Variants in EYS observed in about 807,000 individuals in gnomAD.
EYS encodes the protein EGF-like photoreceptor maintenance factor, also known as protein eyes shut homolog.
EYS carries 250 observed loss-of-function variants against 282.1 expected under a neutral mutation model. That is an observed-to-expected ratio of 0.89 (90% CI 0.80 to 0.98). EYS has a LOEUF of 0.98. Among genes scored for constraint, EYS ranks in the 50% least tolerant of loss-of-function variants. The pLI is 0.00. For synonymous variants in EYS, 1,355 were observed against 1,282.9 expected, an observed-to-expected ratio of 1.06 and a Z score of -1.20; for missense variants, 4,016 against 3,709.0, an observed-to-expected ratio of 1.08 and a Z score of -2.15.
At chr6:64,260,979 G>C (rs1299187889) in intron 30 of EYS, among the ~76,000 whole-genome samples, 1 of 79,062 alleles carries the variant, frequency 1.3e-5, no homozygotes, top group East Asian at 2.6e-4. Context: ...GATGAAATCA[G>C]AGTAACTAGA....
chr6:65,512,004 A>AAAG (rs1554204688), intron 2 of EYS, among the ~76,000 whole-genome samples: 6 of 138,428 alleles, frequency 4.3e-5, no homozygotes, highest in African/African-American at 1.6e-4. Flanking sequence ...AAAAAAAAAA[A>AAAG]AAAAGAAATC....
Position 64,591,531 on chromosome 6 carries a change from G to A in EYS, c.4336C>T (p.Arg1446Cys), listed in dbSNP as rs1429547850. ...GAGGCAGCTATAAGCAGGAATCCACGGGAGAGTAATGACTGCCTGTTTAGC... is the reference window on the plus strand; with the variant it reads ...GAGGCAGCTATAAGCAGGAATCCACAGGAGAGTAATGACTGCCTGTTTAGC... ...IELNRQSLLSRGFLLIAASIS... is the reference protein window; with the variant it reads ...IELNRQSLLSCGFLLIAASIS... Residue 1446 changes from arginine to cysteine, a missense_variant, in exon 26 of 43, where the codon CGT becomes TGT. Physicochemically the swap from Arg to Cys is radical, Grantham distance 180 (BLOSUM62 -3). Coordinates refer to ENST00000503581, the MANE Select transcript of EYS (RefSeq NM_001142800.2). 3 of 1,551,240 alleles carry A rather than the reference G, an allele frequency of 1.9e-6. No homozygotes were observed. The highest frequency in any genetic ancestry group is 1.2e-5 in the South Asian group (1 of 84,048).
intron 14 of EYS, among the ~76,000 whole-genome samples, chr6:64,955,399 A>G (rs180692390): frequency 1.3e-5 from 2 of 152,270 alleles, no homozygotes; most frequent in African/African-American, 2.4e-5. Flanking sequence ...CATCCATACT[A>G]TTGGGAGAGG....
chr6:64,218,594 A>G (rs916064510), intron 31 of EYS, among the ~76,000 whole-genome samples: 5 of 152,208 alleles, frequency 3.3e-5, no homozygotes, highest in African/African-American at 1.2e-4. Flanking sequence ...ACAAATCAGA[A>G]TGGAGCTCAG....
chr6:64,066,355 G>A lies in EYS; in HGVS notation c.6708C>T (p.Phe2236=), dbSNP rs2149855654. The change falls in exon 33 of 43, where the codon TTC becomes TTT. Residue 2236 remains phenylalanine, a synonymous_variant. Transcript: ENST00000503581. ...GTACTTACCGTATTGTGATAGGGGTGAATGCATTTGTGTTAATGCTGTAAT... is the reference window on the plus strand; with the variant it reads ...GTACTTACCGTATTGTGATAGGGGTAAATGCATTTGTGTTAATGCTGTAAT... The part of the protein sequence containing the change: ...SANYSINTNA[F]TPITIRYTTP... 1.9e-6 allele frequency: 3 copies of A among 1,551,466 alleles called. No homozygotes were observed. Among genetic ancestry groups the A allele is most frequent in the Non-Finnish European group, 1.7e-6 (2 of 1,146,808 alleles).
At chr6:65,493,489 C>T (rs1196855390) in intron 4 of EYS, among the ~76,000 whole-genome samples, 1 of 152,146 alleles carries the variant, frequency 6.6e-6, no homozygotes, top group Admixed American at 6.6e-5. Flanking sequence ...ACTTGTAACT[C>T]TCCATGCCAG....
chr6:65,650,924 C>T (rs1227392218), intron 1 of EYS, among the ~76,000 whole-genome samples: 2 of 151,984 alleles, frequency 1.3e-5, no homozygotes, highest in African/African-American at 4.8e-5. Flanking sequence ...TCATCAACAC[C>T]ATAACAGGGA....
At chr6:64,137,754 T>A (rs1774209703) in intron 31 of EYS, among the ~76,000 whole-genome samples, 1 of 152,084 alleles carries the variant, frequency 6.6e-6, no homozygotes, top group African/African-American at 2.4e-5. Flanking sequence ...AGTAGTAATA[T>A]CAAAGGTCAC....
intron 22 of EYS, among the ~76,000 whole-genome samples, chr6:64,680,078 T>A (rs905724980): frequency 2.6e-5 from 4 of 151,856 alleles, no homozygotes; most frequent in Admixed American, 2.6e-4. Flanking sequence ...TAAACCTAGA[T>A]GATGGAAAAA....
At chr6:65,240,819 T>G (rs1343223648) in intron 12 of EYS, among the ~76,000 whole-genome samples, 1 of 152,212 alleles carries the variant, frequency 6.6e-6, no homozygotes, top group Non-Finnish European at 1.5e-5. Flanking sequence ...TTTGGTGGTT[T>G]GAATGGTATT....
rs1436627168 is a variant in EYS at position 64,686,837 on chromosome 6, ACG to A, written c.3444-60594_3444-60593del. Among the ~76,000 whole-genome samples, 2 of 15,770 alleles carry A rather than the reference ACG, an allele frequency of 1.3e-4. 1 individual carries two copies. Among genetic ancestry groups the A allele is most frequent in the African/African-American group, 3.4e-4 (2 of 5,906 alleles). The allele number at this position is 15,770 out of a possible 152,430, so 10.3% of individuals were successfully genotyped here. On this transcript the variant is annotated intron_variant, in intron 22 of 42. Coordinates refer to ENST00000503581, the MANE Select transcript of EYS (RefSeq NM_001142800.2). The stretch of plus-strand genomic sequence containing the variant: ...TATATATATGTGTATATATATATAT[ACG>A]TGTATATATATATATGTGTATATAT...
At chr6:64,526,877 A>G (rs1777935554) in intron 26 of EYS, among the ~76,000 whole-genome samples, 1 of 151,860 alleles carries the variant, frequency 6.6e-6, no homozygotes, top group Non-Finnish European at 1.5e-5. Context: ...TTCTTAAAGC[A>G]AGGCTAATAC....
chr6:64,590,261 A>G lies in EYS; in HGVS notation c.5606T>C (p.Leu1869Pro). 1 of 1,550,504 alleles carries G rather than the reference A, an allele frequency of 6.4e-7. No homozygotes were observed. Among genetic ancestry groups the G allele is most frequent in the Middle Eastern group, 1.7e-4 (1 of 5,980 alleles). Residue 1869 changes from leucine (L) to proline (P), a missense_variant, in exon 26 of 43, where the codon CTG becomes CCG. Transcript: ENST00000503581. ...CCGTTGAGGTGCCAGAATGGATTCC[A>G]GTGAAGACAAAGTAAGAGATCTAGT... Reference protein sequence around the residue: ...PFTRSLTLSSLESILAPQRLM... With the variant: ...PFTRSLTLSSPESILAPQRLM...
chr6:64,137,865 C>T (rs992523161), intron 31 of EYS, among the ~76,000 whole-genome samples: 5 of 151,940 alleles, frequency 3.3e-5, no homozygotes, highest in African/African-American at 4.8e-5. Context: ...AAAAATGACA[C>T]CCATAGAATT....
At chr6:64,400,501 A>G (rs967807081) in intron 28 of EYS, 1 of 152,064 alleles carries the variant, frequency 6.6e-6, no homozygotes, top group Non-Finnish European at 1.5e-5. Context: ...CTAATATTTC[A>G]TCTAGCAGGT....
intron 12 of EYS, among the ~76,000 whole-genome samples, chr6:65,231,840 C>G (rs1255753069): frequency 6.6e-6 from 1 of 151,516 alleles, no homozygotes; most frequent in Non-Finnish European, 1.5e-5. Flanking sequence ...CACTCTAAAT[C>G]AGGAGAAAGC....
intron 14 of EYS, 139 bp from the exon 15 acceptor site, chr6:64,946,053 A>C: frequency 1.7e-6 from 1 of 595,124 alleles, no homozygotes; most frequent in Non-Finnish European, 2.7e-6. Context: ...ACTCCCCCCA[A>C]ATGACTTTTA....
At chr6:64,284,396 A>C (rs1768420834) in intron 30 of EYS, among the ~76,000 whole-genome samples, 1 of 152,184 alleles carries the variant, frequency 6.6e-6, no homozygotes, top group East Asian at 1.9e-4. Flanking sequence ...GTGGGTTCAC[A>C]GTCTTGGGCA....
chr6:64,642,075 C>T (rs541054192), intron 22 of EYS, among the ~76,000 whole-genome samples: 1 of 152,232 alleles, frequency 6.6e-6, no homozygotes, highest in South Asian at 2.1e-4. Flanking sequence ...AACATGAAGA[C>T]AGAAAGATTC....
Sources: allele counts gnomAD v4.1 joint callset (sites outside exome capture counted in the v4.1 genomes callset), GRCh38; gene constraint gnomAD v4.1.1; transcripts MANE v1.5; gene names NCBI Gene and HGNC (gene_info 2026-07-23, HGNC 2026-07-21).